Variants in TRIM27 observed in about 807,000 individuals in gnomAD.
TRIM27 encodes tripartite motif containing 27.
Under a neutral mutation model 57.6 loss-of-function variants are expected in TRIM27, and 12 were observed. The observed-to-expected ratio is 0.21, with a 90% CI of 0.13 to 0.34. The LOEUF (loss-of-function observed/expected upper bound fraction) is 0.34. TRIM27 is among the 10% of genes least tolerant of loss of function. The pLI is 1.00. For missense variants in TRIM27, 403 were observed against 656.8 expected (o/e 0.61, Z 4.22); for synonymous variants, 266 against 259.0 (o/e 1.03, Z -0.26).
chr6:28,923,934 C>T lies in TRIM27; in HGVS notation c.-302G>A, dbSNP rs897027611. On this transcript the variant is annotated 5_prime_UTR_variant, in exon 1 of 8. Transcript: ENST00000377199. Reference sequence around the variant, plus strand: ...GGTCAGAGTCCCAGGGCCAGGCGGGCAAAGCGCGCAAGACAACGTGGCCGC... The same window carrying T: ...GGTCAGAGTCCCAGGGCCAGGCGGGTAAAGCGCGCAAGACAACGTGGCCGC... 3 of 393,536 alleles carry T rather than the reference C, an allele frequency of 7.6e-6. No individual in the cohort carries two copies. The highest frequency in any genetic ancestry group is 7.6e-5 in the East Asian group (2 of 26,204). The allele number at this position is 393,536 out of a possible 1,614,324, so 24.4% of individuals were successfully genotyped here.
chr6:28,922,024 G>C (rs1192387451), intron 1 of TRIM27, 37 bp from the exon 2 acceptor site: 1 of 1,476,454 alleles, frequency 6.8e-7, no homozygotes, highest in Non-Finnish European at 9.5e-7. Context: ...TTCAAAATTA[G>C]GTAGACCTTA....
intron 6 of TRIM27, 150 bp from the exon 7 acceptor site, chr6:28,907,412 T>C (rs1772846173): frequency 1.3e-6 from 1 of 758,282 alleles, no homozygotes; most frequent in Non-Finnish European, 2.4e-6. Flanking sequence ...TTTTTTCATA[T>C]GATGTATGGC....
intron 6 of TRIM27, chr6:28,907,909 T>C (rs115328838): frequency 0.021 from 5,055 of 240,482 alleles, 76 homozygotes; most frequent in Non-Finnish European, 0.03. Flanking sequence ...CCAAAAAGTA[T>C]ATATCTGAAT....
At position 28,921,851 on chromosome 6, in the gene TRIM27, G is replaced by C. The variant is rs750744522; in HGVS notation, c.516+41C>G. 2.0e-6 allele frequency: 3 copies of C among 1,488,140 alleles called. No homozygotes were observed. In the South Asian group the frequency reaches 3.4e-5, roughly 17 times the overall value. 92.2% of individuals were successfully genotyped at this position (1,488,140 alleles called of 1,614,324 possible). ...GTAACATCAGCTCTACAGAAGAGGA[G>C]AGCACCAGCAGAACCAACTGTGAAT... On this transcript the variant is annotated intron_variant, in intron 2 of 7. Coordinates refer to ENST00000377199, the MANE Select transcript of TRIM27 (RefSeq NM_006510.5).
intron 3 of TRIM27, 74 bp from the exon 4 acceptor site, chr6:28,911,792 GA>G: frequency 2.1e-6 from 3 of 1,458,114 alleles, no homozygotes; most frequent in Non-Finnish European, 2.9e-6. Context: ...GATGTTTGTT[GA>G]AAAACCAACT....
intron 4 of TRIM27, among the ~76,000 whole-genome samples, chr6:28,910,605 C>T (rs1212172325): frequency 1.3e-5 from 2 of 152,180 alleles, no homozygotes; most frequent in African/African-American, 4.8e-5. Context: ...GCTGGGATTA[C>T]AGGTGTGAGC....
intron 1 of TRIM27, among the ~76,000 whole-genome samples, chr6:28,922,704 C>G (rs1774140869): frequency 6.6e-6 from 1 of 152,174 alleles, no homozygotes; most frequent in Non-Finnish European, 1.5e-5. Context: ...GTGTTATCTC[C>G]TGAGTCTCAG....
intron 3 of TRIM27, among the ~76,000 whole-genome samples, chr6:28,918,590 T>C (rs1773791810): frequency 6.6e-6 from 1 of 152,146 alleles, no homozygotes; most frequent in African/African-American, 2.4e-5. Flanking sequence ...TTTAAAAATG[T>C]AAACTGGCCT....
chr6:28,917,827 TTTC>T (rs1381260002), intron 3 of TRIM27, among the ~76,000 whole-genome samples: 3 of 150,962 alleles, frequency 2.0e-5, no homozygotes, highest in African/African-American at 4.9e-5. Flanking sequence ...TCTTTCTTCC[TTTC>T]TTTTTTTTTT....
intron 3 of TRIM27, among the ~76,000 whole-genome samples, chr6:28,916,495 T>C (rs1349402324): frequency 6.6e-6 from 1 of 151,064 alleles, no homozygotes; most frequent in Non-Finnish European, 1.5e-5. Flanking sequence ...GAGGTTGCGG[T>C]GAGCGGAGAT....
At chr6:28,916,972 T>C (rs912590384) in intron 3 of TRIM27, among the ~76,000 whole-genome samples, 39 of 151,750 alleles carry the variant, frequency 2.6e-4, no homozygotes, top group African/African-American at 9.2e-4. Flanking sequence ...CAAAACTCCA[T>C]CTCTACAAAA....
At position 28,923,611 on chromosome 6, in the gene TRIM27, C is replaced by G. The variant is rs775940116; in HGVS notation, c.22G>C (p.Glu8Gln). The stretch of plus-strand genomic sequence containing the variant: ...CAGGTGGTCTCCTGCTGCAGGCACT[C>G]GGCCACACTCCCGGAGGCCATGGCG... MASGSVAECLQQETTCPV... is the reference protein window; with the variant it reads MASGSVAQCLQQETTCPV... The change falls in exon 1 of 8, where the codon GAG (glutamate) becomes CAG (glutamine). Residue 8 changes from glutamate to glutamine, a missense_variant. Glu to Gln is a conservative substitution (Grantham distance 29, BLOSUM62 2). Coordinates refer to ENST00000377199, the MANE Select transcript of TRIM27 (RefSeq NM_006510.5). 6.3e-7 allele frequency: 1 copy of G among 1,593,242 alleles called. No homozygotes were observed. Among genetic ancestry groups the G allele is most frequent in the Non-Finnish European group, 8.6e-7 (1 of 1,167,946 alleles).
rs1205966615 is a variant in TRIM27 at position 28,920,216 on chromosome 6, C to T, written c.543G>A (p.Lys181=). The change falls in exon 3 of 8, where the codon AAG becomes AAA. Residue 181 remains lysine (K), a synonymous_variant. Transcript: ENST00000377199. ...ACAGCTGCTCAAACTCCCAAACAAT[C>T]TTCTCCCTCTCCATCTGGGTTAGGC... ...LLSLTQMERE[K]IVWEFEQLYH... 6.2e-7 allele frequency: 1 copy of T among 1,611,368 alleles called. No homozygotes were observed. Among genetic ancestry groups the T allele is most frequent in the African/African-American group, 1.3e-5 (1 of 74,912 alleles).
chr6:28,913,255 C>CA (rs66466461), intron 3 of TRIM27, among the ~76,000 whole-genome samples: 1,715 of 105,350 alleles, frequency 0.016, 35 homozygotes, highest in African/African-American at 0.04. Context: ...AACTCCATCT[C>CA]AAAAAAAAAA....
At position 28,920,840 on chromosome 6, in the gene TRIM27, T is replaced by C. The variant is rs533054632; in HGVS notation, c.517-598A>G. Among the ~76,000 whole-genome samples the C allele has an allele frequency of 6.9e-4, 105 of 152,210 alleles. 1 individual carries two copies. The highest frequency in any genetic ancestry group is 3.3e-3 in the Admixed American group (50 of 15,298). On this transcript the variant is annotated intron_variant, in intron 2 of 7. Transcript: ENST00000377199. Reference sequence around the variant, plus strand: ...GTGACAGGGTCAGATATGTGCCCTATGGAGGATGGAACAACCAATAACAGC... The same window carrying C: ...GTGACAGGGTCAGATATGTGCCCTACGGAGGATGGAACAACCAATAACAGC...
intron 3 of TRIM27, among the ~76,000 whole-genome samples, chr6:28,912,517 CT>C (rs1244963653): frequency 6.6e-6 from 1 of 151,672 alleles, no homozygotes; most frequent in Non-Finnish European, 1.5e-5. Context: ...AAGTAGCATA[CT>C]CTCTATTTCA....
chr6:28,909,695 A>G (rs371515621), intron 4 of TRIM27, among the ~76,000 whole-genome samples: 2 of 152,348 alleles, frequency 1.3e-5, no homozygotes, highest in East Asian at 3.9e-4. Flanking sequence ...ACAGTCCTTG[A>G]TATTTATGGT....
intron 6 of TRIM27, 159 bp from the exon 7 acceptor site, chr6:28,907,421 G>A (rs987030277): frequency 1.3e-6 from 1 of 743,322 alleles, no homozygotes; most frequent in Non-Finnish European, 2.5e-6. Context: ...ATGATGTATG[G>A]CTCTATCATC....
chr6:28,904,699 G>A lies in TRIM27; in HGVS notation c.947-34C>T, dbSNP rs1028612358. The stretch of plus-strand genomic sequence containing the variant: ...ACACAAGGAAGACAGTCAGCCGTGG[G>A]CCAGGAGAGCCTATTTTAGAACACC... On this transcript the variant is annotated intron_variant, in intron 7 of 7. Transcript: ENST00000377199. This position sits in a 1 kb window ranked among gnomAD's most constrained non-coding sequence, Gnocchi z 6.1. 1.0e-5 allele frequency: 16 copies of A among 1,536,640 alleles called. No homozygotes were observed. Among genetic ancestry groups the A allele is most frequent in the African/African-American group, 1.4e-5 (1 of 73,370 alleles).
Sources: allele counts gnomAD v4.1 joint callset (sites outside exome capture counted in the v4.1 genomes callset), GRCh38; gene constraint gnomAD v4.1.1; non-coding constraint Gnocchi (gnomAD v3.1); transcripts MANE v1.5; gene names NCBI Gene and HGNC (gene_info 2026-07-23, HGNC 2026-07-21).